KSR1: variants seen among roughly 807,000 people sequenced by gnomAD.
KSR1 encodes the protein kinase suppressor of ras.
In KSR1, 35 loss-of-function variants were observed where a neutral mutation model predicts 92.9. The ratio of observed to expected loss-of-function variants is 0.38; its 90% CI spans 0.29 to 0.50. KSR1 has a LOEUF of 0.50. Ranked by LOEUF, KSR1 falls within the 20% of genes least tolerant of loss-of-function variation. The probability of loss-of-function intolerance (pLI) is 0.94; values close to 1 mark genes in which losing one functional copy is unlikely to be tolerated. For synonymous variants in KSR1, 467 were observed against 472.6 expected (o/e 0.99, Z 0.15); for missense variants, 972 against 1,158.5 (o/e 0.84, Z 2.34).
intron 19 of KSR1, 77 bp from the exon 20 acceptor site, chr17:27,621,116 G>A (rs922902320): frequency 1.5e-5 from 6 of 398,124 alleles, no homozygotes; most frequent in South Asian, 2.6e-4. Context: ...CTGTCCACAC[G>A]TGCCTGACTC....
rs750142365 is a variant in KSR1 at position 27,610,068 on chromosome 17, C to G, written c.2227C>G (p.Arg743Gly). The stretch of plus-strand genomic sequence containing the variant: ...TTGTCCCGGCTTCCTGGTCTCCAGG[C>G]GTGAGAACCAGCTAAAGCTGTCCCA... ...GISGVVREGR[R>G]ENQLKLSHDW... Residue 743 changes from arginine (R) to glycine (G), a missense_variant and splice_region_variant, in exon 17 of 21, where the codon CGT (arginine) becomes GGT (glycine). Arg to Gly is a moderately radical substitution (Grantham distance 125, BLOSUM62 -2). This residue lies in a region of KSR1 where 260 missense variants were observed against 375.2 expected (regional missense o/e 0.69). Coordinates refer to ENST00000644974, the MANE Select transcript of KSR1 (RefSeq NM_001394583.1). 1 of 1,613,808 alleles carries G rather than the reference C, an allele frequency of 6.2e-7. No homozygotes were observed. The highest frequency in any genetic ancestry group is 8.5e-7 in the Non-Finnish European group (1 of 1,179,742).
chr17:27,480,341 A>G (rs1301662746), intron 1 of KSR1, among the ~76,000 whole-genome samples: 1 of 152,170 alleles, frequency 6.6e-6, no homozygotes, highest in East Asian at 1.9e-4. Context: ...CCTAGAATGA[A>G]AGCTCCACAG....
chr17:27,498,360 C>T (rs959733534), intron 1 of KSR1, among the ~76,000 whole-genome samples: 2 of 145,716 alleles, frequency 1.4e-5, no homozygotes, highest in African/African-American at 2.6e-5. Flanking sequence ...AAAAAAAAGG[C>T]TCTTGACCAA....
At position 27,625,620 on chromosome 17, in the gene KSR1, G is replaced by T. The variant is rs2074324521; in HGVS notation, c.*2228G>T. The T allele has an allele frequency of 6.6e-6, 1 of 152,108 alleles. No individual in the cohort carries two copies. Among genetic ancestry groups the T allele is most frequent in the Non-Finnish European group, 1.5e-5 (1 of 68,030 alleles). The allele number at this position is 152,108 out of a possible 1,614,324, so 9.4% of individuals were successfully genotyped here. A position where few individuals can be genotyped will look rare whatever the true frequency, so the allele number is the denominator to read the frequency against. The stretch of plus-strand genomic sequence containing the variant: ...AAGAACCCCACCCCACCCCATGATG[G>T]CCCCCTCTGTTCCCCTTGTATTTCA... On this transcript the variant is annotated 3_prime_UTR_variant, in exon 21 of 21. Coordinates refer to ENST00000644974, the MANE Select transcript of KSR1 (RefSeq NM_001394583.1).
chr17:27,533,793 A>G (rs149334931), intron 1 of KSR1, among the ~76,000 whole-genome samples: 8 of 152,306 alleles, frequency 5.3e-5, no homozygotes, highest in Non-Finnish European at 1.0e-4. Context: ...AGCAGTGTCT[A>G]GCGCATAATA....
chr17:27,605,502 C>T lies in KSR1; in HGVS notation c.1683C>T (p.Ser561=), dbSNP rs992624360. 4 of 1,603,994 alleles carry T rather than the reference C, an allele frequency of 2.5e-6. No individual in the cohort carries two copies. Among genetic ancestry groups the T allele is most frequent in the Non-Finnish European group, 3.4e-6 (4 of 1,176,184 alleles). The change falls in exon 14 of 21, where the codon AGC becomes AGT. Residue 561 remains serine (S), a synonymous_variant. Coordinates refer to ENST00000644974, the MANE Select transcript of KSR1 (RefSeq NM_001394583.1). ...AGGACGAGGTGGACGACTTGCCGAGCTCTCGCCGGCCCTGGCGGGGCCCCA... is the reference window on the plus strand; with the variant it reads ...AGGACGAGGTGGACGACTTGCCGAGTTCTCGCCGGCCCTGGCGGGGCCCCA... ...DDEDEVDDLP[S]SRRPWRGPIS... is the part of the protein sequence containing the mutation.
chr17:27,512,986 C>T (rs777271827), intron 1 of KSR1, among the ~76,000 whole-genome samples: 1 of 151,538 alleles, frequency 6.6e-6, no homozygotes, highest in Non-Finnish European at 1.5e-5. Flanking sequence ...ACAACATTAG[C>T]TTGACTTTAG....
chr17:27,534,400 A>G (rs985870093), intron 1 of KSR1, among the ~76,000 whole-genome samples: 1 of 152,250 alleles, frequency 6.6e-6, no homozygotes, highest in Non-Finnish European at 1.5e-5. Context: ...CATGATAGAG[A>G]TGGCTGACAA....
chr17:27,589,323 C>T (rs1156262907), intron 6 of KSR1, among the ~76,000 whole-genome samples: 1 of 152,190 alleles, frequency 6.6e-6, no homozygotes, highest in African/African-American at 2.4e-5. Flanking sequence ...AGAGTCTGTT[C>T]TCTTTCCCTT....
intron 1 of KSR1, among the ~76,000 whole-genome samples, chr17:27,494,776 T>G (rs1342231565): frequency 6.6e-6 from 1 of 152,234 alleles, no homozygotes; most frequent in Non-Finnish European, 1.5e-5. Flanking sequence ...GTCGTGAGAA[T>G]GAAAGCTTCT....
intron 10 of KSR1, chr17:27,601,144 C>T: frequency 1.8e-6 from 1 of 564,936 alleles, no homozygotes; most frequent in Non-Finnish European, 3.1e-6. Flanking sequence ...CAGTGCAAGC[C>T]CCTTTAGTCC....
chr17:27,471,031 A>G (rs2019972731), intron 1 of KSR1, among the ~76,000 whole-genome samples: 2 of 152,036 alleles, frequency 1.3e-5, no homozygotes, highest in Admixed American at 1.3e-4. Flanking sequence ...CACTACACCC[A>G]GCTAATTATT....
chr17:27,597,077 C>T (rs994981116), intron 9 of KSR1, among the ~76,000 whole-genome samples, 191 bp from the exon 10 acceptor site: 3 of 152,210 alleles, frequency 2.0e-5, no homozygotes, highest in Non-Finnish European at 2.9e-5. Context: ...AGGAGCCCCC[C>T]GGGGAGTGAG....
At chr17:27,565,072 C>T (rs1431796273) in intron 2 of KSR1, among the ~76,000 whole-genome samples, 3 of 152,114 alleles carry the variant, frequency 2.0e-5, no homozygotes, top group African/African-American at 7.2e-5. Flanking sequence ...TCTTAATATC[C>T]AGTAATTTAC....
intron 1 of KSR1, among the ~76,000 whole-genome samples, chr17:27,484,777 A>G (rs903479028): frequency 6.6e-6 from 1 of 152,190 alleles, no homozygotes; most frequent in East Asian, 1.9e-4. Context: ...CGAAGCTTGA[A>G]CCTTCTTGAT....
chr17:27,606,348 G>C (rs533734782), intron 14 of KSR1, among the ~76,000 whole-genome samples: 1 of 152,186 alleles, frequency 6.6e-6, no homozygotes, highest in Non-Finnish European at 1.5e-5. Context: ...GCAACTGAGC[G>C]CTTCTCCCCA....
intron 1 of KSR1, among the ~76,000 whole-genome samples, chr17:27,480,123 G>C (rs1282918691): frequency 2.0e-5 from 3 of 152,164 alleles, no homozygotes; most frequent in Non-Finnish European, 4.4e-5. Flanking sequence ...CCTAGCTTCT[G>C]TCCTTCACCC....
chr17:27,582,352 G>A (rs1231157486), intron 3 of KSR1, among the ~76,000 whole-genome samples: 4 of 152,212 alleles, frequency 2.6e-5, no homozygotes, highest in Non-Finnish European at 5.9e-5. Flanking sequence ...TCCTGTGAGT[G>A]TCATGTCGGT....
chr17:27,521,180 C>T (rs988985485), intron 1 of KSR1, among the ~76,000 whole-genome samples: 14 of 152,094 alleles, frequency 9.2e-5, no homozygotes, highest in African/African-American at 3.4e-4. Flanking sequence ...CTGGCCCAGG[C>T]ATCTCTATAT....
Sources: allele counts gnomAD v4.1 joint callset (sites outside exome capture counted in the v4.1 genomes callset), GRCh38; gene constraint gnomAD v4.1.1; regional missense constraint gnomAD v4.1.1; transcripts MANE v1.5; gene names NCBI Gene and HGNC (gene_info 2026-07-23, HGNC 2026-07-21).